The following BACH2 variants were observed in gnomAD, a reference collection of about 807,000 sequenced individuals.
BACH2 encodes the protein transcription regulator protein BACH2.
A neutral mutation model predicts 61.8 loss-of-function variants in BACH2; 5 were observed. That is an observed-to-expected ratio of 0.08 (90% CI 0.04 to 0.17). The LOEUF (loss-of-function observed/expected upper bound fraction) is 0.17, where lower values mean the gene tolerates loss of function less well. Among genes scored for constraint, BACH2 ranks in the 10% least tolerant of loss-of-function variants. The probability of loss-of-function intolerance (pLI) is 1.00; values close to 1 mark genes in which losing one functional copy is unlikely to be tolerated. For synonymous variants in BACH2, 446 were observed against 440.1 expected, an observed-to-expected ratio of 1.01 and a Z score of -0.17; for missense variants, 824 against 1,091.1, an observed-to-expected ratio of 0.76 and a Z score of 3.45.
At chr6:90,091,130 AAGATGT>A (rs1782141947) in intron 4 of BACH2, among the ~76,000 whole-genome samples, 1 of 152,202 alleles carries the variant, frequency 6.6e-6, no homozygotes, top group Admixed American at 6.6e-5. Flanking sequence ...CAGAATTCCA[AAGATGT>A]ATTCAAGCCT....
intron 6 of BACH2, among the ~76,000 whole-genome samples, chr6:89,958,374 C>T (rs1011421109): frequency 2.0e-5 from 3 of 152,192 alleles, no homozygotes; most frequent in Admixed American, 6.5e-5. Context: ...CAAGTCTCAG[C>T]TCTGCTGTCT....
At chr6:90,118,922 T>C (rs1243700771) in intron 4 of BACH2, among the ~76,000 whole-genome samples, 1 of 152,136 alleles carries the variant, frequency 6.6e-6, no homozygotes, top group African/African-American at 2.4e-5. Flanking sequence ...TTAAACCCAA[T>C]ACCATAAAAT....
chr6:89,967,090 G>C (rs895330554), intron 6 of BACH2, among the ~76,000 whole-genome samples: 1 of 152,174 alleles, frequency 6.6e-6, no homozygotes, highest in African/African-American at 2.4e-5. Context: ...TCCAGTTTCT[G>C]TGGGGCTGAA....
chr6:90,146,042 A>G (rs985019814), intron 4 of BACH2, among the ~76,000 whole-genome samples: 1 of 152,250 alleles, frequency 6.6e-6, no homozygotes, highest in Non-Finnish European at 1.5e-5. Context: ...TTTACATTAA[A>G]TTCTATGTAT....
intron 8 of BACH2, among the ~76,000 whole-genome samples, chr6:89,935,143 G>C (rs906297591): frequency 6.6e-6 from 1 of 152,180 alleles, no homozygotes; most frequent in South Asian, 2.1e-4. Flanking sequence ...GCTGGGGACC[G>C]GGCAGGGCAG....
chr6:89,938,136 C>T lies in BACH2; in HGVS notation c.2043+8G>A, dbSNP rs751447302. On this transcript the variant is annotated splice_region_variant and intron_variant, in intron 8 of 8. Transcript: ENST00000257749. ...AGGTTGCTGATCACAATGGATGGGT[C>T]AACTCACCAATTTGCGGATTTCACA... 8.1e-6 allele frequency: 13 copies of T among 1,611,332 alleles called. No homozygotes were observed. Among genetic ancestry groups the T allele is most frequent in the Non-Finnish European group, 1.0e-5 (12 of 1,177,660 alleles).
At chr6:89,940,068 T>TTG (rs898085741) in intron 7 of BACH2, among the ~76,000 whole-genome samples, 3 of 151,776 alleles carry the variant, frequency 2.0e-5, no homozygotes, top group African/African-American at 7.3e-5. Context: ...TGGAGTAGAG[T>TTG]GGCACGATTT....
At position 90,123,154 on chromosome 6, in the gene BACH2, C is replaced by T. The variant is rs562996271; in HGVS notation, c.-161-34045G>A. Among the ~76,000 whole-genome samples the T allele has an allele frequency of 5.9e-4, 89 of 152,120 alleles. 2 individuals carry two copies. In the South Asian group the frequency reaches 0.017, roughly 29 times the overall value. ...GGATTACCTGAGTAGGCCCTAAATC[C>T]AAGGGGAGGTGTCCTTAGAAGACAC... On this transcript the variant is annotated intron_variant, in intron 4 of 8. Coordinates refer to ENST00000257749, the MANE Select transcript of BACH2 (RefSeq NM_021813.4).
At chr6:90,075,404 T>G (rs1232210246) in intron 5 of BACH2, among the ~76,000 whole-genome samples, 1 of 152,106 alleles carries the variant, frequency 6.6e-6, no homozygotes, top group Non-Finnish European at 1.5e-5. Context: ...ACTAAAAGCG[T>G]TTTTAAGGTG....
intron 4 of BACH2, among the ~76,000 whole-genome samples, chr6:90,142,102 CA>C (rs892329924): frequency 8.5e-4 from 129 of 152,206 alleles, no homozygotes; most frequent in African/African-American, 2.8e-3. Context: ...TTTTTTAATT[CA>C]AATGTTTCAC....
At chr6:90,290,590 A>C (rs1037079450) in intron 1 of BACH2, among the ~76,000 whole-genome samples, 1 of 152,232 alleles carries the variant, frequency 6.6e-6, no homozygotes, top group Non-Finnish European at 1.5e-5. Flanking sequence ...AATTGCCAAA[A>C]ATCTATGGAT....
In BACH2 at chr6:89,930,092, A is replaced by C. The variant is rs1772553077; in HGVS notation, c.*2316T>G. On this transcript the variant is annotated 3_prime_UTR_variant, in exon 9 of 9. Transcript: ENST00000257749. ...ACAAAAACCAGCAGCTCCAACACAG[A>C]GCTTTATCAAGATCTGTTTCAGACA... is the stretch of plus-strand genomic sequence containing the variant. 1 of 150,292 alleles carries C rather than the reference A, an allele frequency of 6.7e-6. No homozygotes were observed. The highest frequency in any genetic ancestry group is 1.5e-5 in the Non-Finnish European group (1 of 67,942). 9.3% of individuals were successfully genotyped at this position (150,292 alleles called of 1,614,324 possible).
At chr6:89,959,235 C>A (rs1223839652) in intron 6 of BACH2, among the ~76,000 whole-genome samples, 1 of 151,866 alleles carries the variant, frequency 6.6e-6, no homozygotes, top group Admixed American at 6.6e-5. Context: ...AGTAGACCAC[C>A]ATTTGACTTC....
chr6:90,205,339 T>C (rs1769107443), intron 4 of BACH2, among the ~76,000 whole-genome samples: 1 of 152,228 alleles, frequency 6.6e-6, no homozygotes, highest in Non-Finnish European at 1.5e-5. Flanking sequence ...CTGTTTTAAA[T>C]CCTTCAGTGG....
chr6:90,007,387 G>A (rs1323956344), intron 6 of BACH2, among the ~76,000 whole-genome samples: 5 of 151,774 alleles, frequency 3.3e-5, no homozygotes, highest in African/African-American at 9.7e-5. Context: ...GGCTTGTCTC[G>A]AACTGCTGGG....
intron 3 of BACH2, among the ~76,000 whole-genome samples, chr6:90,232,811 T>C (rs1187522669): frequency 1.3e-5 from 2 of 152,384 alleles, no homozygotes; most frequent in Non-Finnish European, 2.9e-5. Flanking sequence ...ACCACATTTA[T>C]GGCCTGTCTC....
At chr6:90,295,750 C>A (rs966808435) in intron 1 of BACH2, among the ~76,000 whole-genome samples, 2 of 152,102 alleles carry the variant, frequency 1.3e-5, no homozygotes, top group African/African-American at 2.4e-5. Flanking sequence ...AGAAGCCTGG[C>A]GCCCTTAGGT....
At chr6:90,251,169 A>C (rs1475108484) in intron 3 of BACH2, among the ~76,000 whole-genome samples, 1 of 151,622 alleles carries the variant, frequency 6.6e-6, no homozygotes, top group Non-Finnish European at 1.5e-5. Context: ...TTTTTTTTTA[A>C]TCCTGATGAT....
At chr6:90,167,610 T>C (rs1767673831) in intron 4 of BACH2, among the ~76,000 whole-genome samples, 1 of 152,198 alleles carries the variant, frequency 6.6e-6, no homozygotes, top group Non-Finnish European at 1.5e-5. Context: ...CAAAATGCCT[T>C]GGCTTCCCAA....
Sources: allele counts gnomAD v4.1 joint callset (sites outside exome capture counted in the v4.1 genomes callset), GRCh38; gene constraint gnomAD v4.1.1; transcripts MANE v1.5; gene names NCBI Gene and HGNC (gene_info 2026-07-23, HGNC 2026-07-21).